CAMTA1: variants seen among roughly 807,000 people sequenced by gnomAD.
The protein encoded by CAMTA1 is calmodulin binding transcription activator 1.
In CAMTA1, 27 loss-of-function variants were observed where a neutral mutation model predicts 170.9. That is an observed-to-expected ratio of 0.16 (90% CI 0.12 to 0.22). CAMTA1 has a LOEUF of 0.22. Among genes scored for constraint, CAMTA1 ranks in the 10% least tolerant of loss-of-function variants. The pLI is 1.00. For synonymous variants in CAMTA1, 833 were observed against 891.5 expected, an observed-to-expected ratio of 0.93 and a Z score of 1.17; for missense variants, 1,619 against 2,217.2, an observed-to-expected ratio of 0.73 and a Z score of 5.42.
intron 3 of CAMTA1, among the ~76,000 whole-genome samples, chr1:6,969,498 A>C (rs1246633171): frequency 6.6e-6 from 1 of 152,084 alleles, no homozygotes; most frequent in Non-Finnish European, 1.5e-5. Context: ...GGCGGTGAGG[A>C]GGGCCCAGAT....
intron 3 of CAMTA1, among the ~76,000 whole-genome samples, chr1:6,832,661 G>C (rs535590391): frequency 6.6e-6 from 1 of 152,304 alleles, no homozygotes; most frequent in East Asian, 1.9e-4. Context: ...TTTCAGTTTT[G>C]ATGGCGTGGA....
chr1:7,436,026 G>A (rs1352290188), intron 5 of CAMTA1, among the ~76,000 whole-genome samples: 1 of 152,190 alleles, frequency 6.6e-6, no homozygotes, highest in Non-Finnish European at 1.5e-5. Context: ...AAGCAGGAGC[G>A]GGAGGCTCTG....
Position 6,934,293 on chromosome 1 carries a change from G to A in CAMTA1, c.234+109083G>A, listed in dbSNP as rs145112239. Among the ~76,000 whole-genome samples the A allele has an allele frequency of 2.0e-4, 31 of 152,274 alleles. No individual in the cohort carries two copies. The highest frequency in any genetic ancestry group is 6.5e-4 in the African/African-American group (27 of 41,562). On this transcript the variant is annotated intron_variant, in intron 3 of 22. Transcript: ENST00000303635. This position sits in a 1 kb window ranked among gnomAD's most constrained non-coding sequence, Gnocchi z 4.5. ...GACCGGAAGGATGAGGCATGCTCCCGGAAGTTAGCATCGCTCATGGCCCTC... is the reference window on the plus strand; with the variant it reads ...GACCGGAAGGATGAGGCATGCTCCCAGAAGTTAGCATCGCTCATGGCCCTC...
At chr1:7,215,428 C>T (rs1354761780) in intron 4 of CAMTA1, among the ~76,000 whole-genome samples, 2 of 152,236 alleles carry the variant, frequency 1.3e-5, no homozygotes, top group Non-Finnish European at 2.9e-5. Flanking sequence ...GAGTCTCACT[C>T]TGTCGCCCAG....
intron 3 of CAMTA1, among the ~76,000 whole-genome samples, chr1:6,955,034 CA>C (rs778704638): frequency 3.0e-4 from 46 of 152,224 alleles, no homozygotes; most frequent in South Asian, 1.2e-3. Flanking sequence ...TCCGGACCTT[CA>C]ATTTTTGTCT....
chr1:7,542,879 G>GTGTGTGTGTGTGTGTT (rs1459264062), intron 6 of CAMTA1, among the ~76,000 whole-genome samples: 1,428 of 138,246 alleles, frequency 0.01, 26 homozygotes, highest in Non-Finnish European at 0.015. Context: ...GTGTGTGTGT[G>GTGTGTGTGTGTGTGTT]TTTGAGCCGG....
intron 4 of CAMTA1, among the ~76,000 whole-genome samples, chr1:7,132,048 TACACACACACACAC>T (rs70984054): frequency 1.3e-5 from 2 of 149,732 alleles, no homozygotes; most frequent in African/African-American, 4.9e-5. Flanking sequence ...GTGACTCTGT[TACACACACACACAC>T]ACACACACAC....
intron 6 of CAMTA1, among the ~76,000 whole-genome samples, chr1:7,476,413 T>C (rs2093420683): frequency 6.6e-6 from 1 of 152,152 alleles, no homozygotes; most frequent in Non-Finnish European, 1.5e-5. Flanking sequence ...GGAGGCTTCC[T>C]GGAGGAGGTG....
chr1:7,093,583 C>T lies in CAMTA1; in HGVS notation c.302+2212C>T, dbSNP rs900131182. ...GTGCTGGGTTTCAGCCACCCTTTGA[C>T]GGCAGAACAGTAGAACATTTCAAGG... is the stretch of plus-strand genomic sequence containing the variant. On this transcript the variant is annotated intron_variant, in intron 4 of 22. Transcript: ENST00000303635. This position sits in a 1 kb window ranked among gnomAD's most constrained non-coding sequence, Gnocchi z 4.6. Among the ~76,000 whole-genome samples the T allele has an allele frequency of 4.6e-5, 7 of 152,162 alleles. No homozygotes were observed. The highest frequency in any genetic ancestry group is 3.8e-4 in the East Asian group (2 of 5,198).
rs1437517097 is a variant in CAMTA1, at chr1:7,641,139, T to C, written c.664+586T>C. Among the ~76,000 whole-genome samples the C allele has an allele frequency of 6.6e-6, 1 of 152,246 alleles. No individual in the cohort carries two copies. Among genetic ancestry groups the C allele is most frequent in the African/African-American group, 2.4e-5 (1 of 41,472 alleles). On this transcript the variant is annotated intron_variant, in intron 7 of 22. Coordinates refer to ENST00000303635, the MANE Select transcript of CAMTA1 (RefSeq NM_015215.4). The surrounding 1 kb of genome is among the most constrained non-coding windows in gnomAD (Gnocchi z 4.5). The stretch of plus-strand genomic sequence containing the variant: ...CCGAGTGAGGCAGGGAAGCTGGGGC[T>C]GCTCCGTACTTTGTTGCCGTGGCCA...
intron 3 of CAMTA1, among the ~76,000 whole-genome samples, chr1:7,019,867 T>C (rs1254055096): frequency 3.3e-5 from 5 of 152,240 alleles, no homozygotes; most frequent in African/African-American, 1.2e-4. Context: ...CCAGCTCTCA[T>C]GGAAGCAGTG....
chr1:7,654,552 C>T lies in CAMTA1; in HGVS notation c.665-7174C>T, dbSNP rs549287901. The stretch of plus-strand genomic sequence containing the variant: ...CAAACACACCCATCTATACACACAC[C>T]GGCACACACCTATACACACACACCT... On this transcript the variant is annotated intron_variant, in intron 7 of 22. Transcript: ENST00000303635. Among the ~76,000 whole-genome samples, 45 of 143,744 alleles carry T rather than the reference C, an allele frequency of 3.1e-4. No individual in the cohort carries two copies. In the East Asian group the frequency reaches 3.2e-3, roughly 10 times the overall value. The allele number at this position is 143,744 out of a possible 152,430, so 94.3% of individuals were successfully genotyped here.
intron 5 of CAMTA1, among the ~76,000 whole-genome samples, chr1:7,298,908 CCT>C (rs1277958420): frequency 2.0e-5 from 3 of 152,118 alleles, no homozygotes; most frequent in Non-Finnish European, 4.4e-5. Flanking sequence ...ACCCTTCCTT[CCT>C]CTCTCTTCCC....
At chr1:7,123,391 CGTCTT>C (rs1644757772) in intron 4 of CAMTA1, among the ~76,000 whole-genome samples, 1 of 152,134 alleles carries the variant, frequency 6.6e-6, no homozygotes, top group African/African-American at 2.4e-5. Context: ...CTAATGATCT[CGTCTT>C]GTCTTGATCA....
chr1:7,704,738 C>G (rs1291326130), intron 11 of CAMTA1, among the ~76,000 whole-genome samples: 4 of 147,590 alleles, frequency 2.7e-5, no homozygotes, highest in South Asian at 4.2e-4. Flanking sequence ...ACCGCGGTAC[C>G]CGGAGCCCCG....
intron 3 of CAMTA1, among the ~76,000 whole-genome samples, chr1:6,827,643 C>A (rs757578552): frequency 1.3e-5 from 2 of 151,952 alleles, no homozygotes; most frequent in Non-Finnish European, 2.9e-5. Context: ...TTCTTACGTT[C>A]TTCAGCCTGC....
At chr1:7,290,949 C>T (rs1411900547) in intron 5 of CAMTA1, among the ~76,000 whole-genome samples, 1 of 152,146 alleles carries the variant, frequency 6.6e-6, no homozygotes, top group East Asian at 1.9e-4. Context: ...CTCACAGGAT[C>T]ACTCAGCTCT....
Position 6,792,882 on chromosome 1 carries a change from T to TAA in CAMTA1, c.45+7308_45+7309insAA, listed in dbSNP as rs1180554356. On this transcript the variant is annotated intron_variant, in intron 1 of 22. Transcript: ENST00000303635. ...CATCACTCTGCTCTCTACGGTTTTGTAGTTTTCATGTGTACAAAGTGACAT... is the reference window on the plus strand; with the variant it reads ...CATCACTCTGCTCTCTACGGTTTTGTAAAGTTTTCATGTGTACAAAGTGACAT... 8.5e-5 allele frequency among the ~76,000 whole-genome samples: 13 copies of TAA among 152,294 alleles called. No homozygotes were observed. The East Asian group carries it at 2.5e-3, about 29-fold the overall frequency.
At chr1:7,112,775 C>T (rs1644141436) in intron 4 of CAMTA1, among the ~76,000 whole-genome samples, 1 of 152,224 alleles carries the variant, frequency 6.6e-6, no homozygotes, top group African/African-American at 2.4e-5. Context: ...GGCCCTGGGT[C>T]TCCCAGGCCC....
Sources: allele counts gnomAD v4.1 joint callset (sites outside exome capture counted in the v4.1 genomes callset), GRCh38; gene constraint gnomAD v4.1.1; non-coding constraint Gnocchi (gnomAD v3.1); transcripts MANE v1.5; gene names NCBI Gene and HGNC (gene_info 2026-07-23, HGNC 2026-07-21).